ITSN1: variants seen among roughly 807,000 people sequenced by gnomAD.
ITSN1 encodes intersectin-1.
In ITSN1, 58 loss-of-function variants were observed where a neutral mutation model predicts 239.8. That is an observed-to-expected ratio of 0.24 (90% CI 0.20 to 0.30). ITSN1 has a LOEUF of 0.30. ITSN1 is among the 10% of genes least tolerant of loss of function. The pLI, the probability that ITSN1 is intolerant of heterozygous loss-of-function variation, is 1.00. For missense variants in ITSN1, 1,558 were observed against 2,103.3 expected (o/e 0.74, Z 5.07); for synonymous variants, 780 against 770.8 (o/e 1.01, Z -0.20).
intron 5 of ITSN1, among the ~76,000 whole-genome samples, chr21:33,742,562 G>A (rs2066927087): frequency 6.6e-6 from 1 of 152,174 alleles, no homozygotes; most frequent in African/African-American, 2.4e-5. Context: ...AATAGGAAAG[G>A]GTTATGCTCT....
chr21:33,865,516 G>A lies in ITSN1; in HGVS notation c.4074+182G>A, dbSNP rs1280307282. On this transcript the variant is annotated intron_variant, in intron 32 of 39. Coordinates refer to ENST00000381318, the MANE Select transcript of ITSN1 (RefSeq NM_003024.3). The surrounding 1 kb of genome is among the most constrained non-coding windows in gnomAD (Gnocchi z 4.4). The stretch of plus-strand genomic sequence containing the variant: ...GGCAAGTGTGGCTGTCACCAAAGGG[G>A]TGGGCTTGGAGAGGAGGGGTGAACC... Among the ~76,000 whole-genome samples, 1 of 152,372 alleles carries A rather than the reference G, an allele frequency of 6.6e-6. No individual in the cohort carries two copies. Among genetic ancestry groups the A allele is most frequent in the Non-Finnish European group, 1.5e-5 (1 of 68,034 alleles).
At chr21:33,682,449 A>G (rs1183795615) in intron 1 of ITSN1, among the ~76,000 whole-genome samples, 1 of 151,574 alleles carries the variant, frequency 6.6e-6, no homozygotes, top group Non-Finnish European at 1.5e-5. Context: ...TCCCGACCTC[A>G]GGTGATCCAC....
In ITSN1 at chr21:33,896,198, C is replaced by T. The variant is rs1986772672; in HGVS notation, c.*7898C>T. On this transcript the variant is annotated 3_prime_UTR_variant, in exon 40 of 40. Transcript: ENST00000381318. The stretch of plus-strand genomic sequence containing the variant: ...GAGCCCCTAGTTCACAGCTGTACCC[C>T]AAGGCTGGAGAGGGGGTTGCCGGTG... 6.6e-6 allele frequency: 1 copy of T among 152,404 alleles called. No homozygotes were observed. The highest frequency in any genetic ancestry group is 1.5e-5 in the Non-Finnish European group (1 of 68,180). The allele number at this position is 152,404 out of a possible 1,614,324, so 9.4% of individuals were successfully genotyped here. A position where few individuals can be genotyped will look rare whatever the true frequency, so the allele number is the denominator to read the frequency against.
At chr21:33,762,245 C>A (rs1334510316) in intron 9 of ITSN1, among the ~76,000 whole-genome samples, 1 of 151,738 alleles carries the variant, frequency 6.6e-6, no homozygotes, top group Non-Finnish European at 1.5e-5. Flanking sequence ...CCAGTCTTGG[C>A]TCTCCCTGTC....
chr21:33,692,930 G>A (rs2091615726), intron 1 of ITSN1, among the ~76,000 whole-genome samples: 2 of 151,888 alleles, frequency 1.3e-5, no homozygotes, highest in South Asian at 2.1e-4. Flanking sequence ...CCAACATGCC[G>A]GGCTAATTTT....
chr21:33,823,705 G>T, intron 25 of ITSN1, 52 bp downstream of exon 25: 1 of 1,535,814 alleles, frequency 6.5e-7, no homozygotes, highest in Non-Finnish European at 8.9e-7. Flanking sequence ...GATTCTCTTT[G>T]TGGGGAGTCA....
At chr21:33,645,938 CG>C in intron 1 of ITSN1, among the ~76,000 whole-genome samples, 1 of 152,318 alleles carries the variant, frequency 6.6e-6, no homozygotes, top group South Asian at 2.1e-4. Flanking sequence ...TTTTACCTGT[CG>C]TACACCTTTC....
At chr21:33,800,482 A>G (rs557642345) in intron 19 of ITSN1, among the ~76,000 whole-genome samples, 2 of 152,304 alleles carry the variant, frequency 1.3e-5, no homozygotes, top group Admixed American at 1.3e-4. Flanking sequence ...GTATCTTTGC[A>G]TCAAAGCATC....
rs2074905037 is a variant in ITSN1 at position 33,843,808 on chromosome 21, G to T, written c.3661+7176G>T. On this transcript the variant is annotated intron_variant, in intron 29 of 39. Transcript: ENST00000381318. ...AGTGGTGTGATCTTGGGCAAGTTAT[G>T]TAACCTCTTTGTGCTTCAGTTTCCT... 5.3e-5 allele frequency among the ~76,000 whole-genome samples: 8 copies of T among 152,336 alleles called. 1 individual carries two copies. The South Asian group carries it at 1.7e-3, about 32-fold the overall frequency.
At chr21:33,827,692 T>C (rs1173345492) in intron 26 of ITSN1, among the ~76,000 whole-genome samples, 1 of 152,210 alleles carries the variant, frequency 6.6e-6, no homozygotes, top group East Asian at 1.9e-4. Context: ...TGTTTTAGTT[T>C]ATTTCAGTAA....
rs556822137 is a variant in ITSN1, at chr21:33,766,989, G to A, written c.927-724G>A. On this transcript the variant is annotated intron_variant, in intron 10 of 39. Coordinates refer to ENST00000381318, the MANE Select transcript of ITSN1 (RefSeq NM_003024.3). ...TTGAGATCAGCCTGGCCAACATGGT[G>A]AAACCCCGTCTCTACTAAAAATACA... is the stretch of plus-strand genomic sequence containing the variant. 1.2e-3 allele frequency among the ~76,000 whole-genome samples: 172 copies of A among 144,262 alleles called. 2 individuals are homozygous for A. The highest frequency in any genetic ancestry group is 4.7e-3 in the African/African-American group (166 of 35,672). The allele number at this position is 144,262 out of a possible 152,430, so 94.6% of individuals were successfully genotyped here. A position where few individuals can be genotyped will look rare whatever the true frequency, so the allele number is the denominator to read the frequency against.
intron 35 of ITSN1, 137 bp from the exon 36 acceptor site, chr21:33,883,413 A>C: frequency 2.6e-6 from 3 of 1,154,484 alleles, no homozygotes; most frequent in Non-Finnish European, 3.7e-6. Context: ...AAACACACGC[A>C]CGAGTGTGCA....
At chr21:33,661,134 G>A (rs567270695) in intron 1 of ITSN1, among the ~76,000 whole-genome samples, 3 of 152,138 alleles carry the variant, frequency 2.0e-5, no homozygotes, top group African/African-American at 7.2e-5. Flanking sequence ...TGTTTTTCTT[G>A]CAGCATCAGG....
At chr21:33,810,779 GC>G in intron 20 of ITSN1, 195 bp from the exon 21 acceptor site, 3 of 749,844 alleles carry the variant, frequency 4.0e-6, no homozygotes, top group Non-Finnish European at 7.2e-6. Context: ...GAGAATAAGA[GC>G]TTGAATTATA....
At chr21:33,763,233 A>AG (rs1555904873) in intron 9 of ITSN1, among the ~76,000 whole-genome samples, 2 of 149,738 alleles carry the variant, frequency 1.3e-5, no homozygotes, top group African/African-American at 2.4e-5. Flanking sequence ...CCCAACCAAA[A>AG]AAAAAAAAAA....
intron 8 of ITSN1, 143 bp downstream of exon 8, chr21:33,755,540 T>C (rs2067848047): frequency 5.2e-6 from 3 of 582,230 alleles, no homozygotes; most frequent in South Asian, 2.2e-5. Context: ...CATGTTCTTA[T>C]CCACTGATAA....
At chr21:33,856,914 G>A in intron 30 of ITSN1, 57 bp downstream of exon 30, 2 of 1,539,220 alleles carry the variant, frequency 1.3e-6, no homozygotes, top group South Asian at 1.1e-5. Flanking sequence ...AGGGAGAGGG[G>A]AGGGTTCCGT....
intron 29 of ITSN1, among the ~76,000 whole-genome samples, chr21:33,854,294 G>A (rs979508104): frequency 5.3e-5 from 8 of 152,224 alleles, no homozygotes; most frequent in Admixed American, 1.3e-4. Context: ...ACCGCACCGT[G>A]TTTGTGCAGT....
At chr21:33,681,867 A>C (rs2090980379) in intron 1 of ITSN1, among the ~76,000 whole-genome samples, 1 of 151,290 alleles carries the variant, frequency 6.6e-6, no homozygotes, top group African/African-American at 2.4e-5. Flanking sequence ...GAGGGGTTTC[A>C]CCGTGTTAAC....
Sources: allele counts gnomAD v4.1 joint callset (sites outside exome capture counted in the v4.1 genomes callset), GRCh38; gene constraint gnomAD v4.1.1; non-coding constraint Gnocchi (gnomAD v3.1); transcripts MANE v1.5; gene names NCBI Gene and HGNC (gene_info 2026-07-23, HGNC 2026-07-21).